Variants in LSMEM1 observed in about 807,000 individuals in gnomAD.
The protein encoded by LSMEM1 is leucine-rich single-pass membrane protein 1.
In LSMEM1, 10 loss-of-function variants were observed where a neutral mutation model predicts 11.3. The observed-to-expected ratio is 0.89, with a 90% CI of 0.55 to 1.50. The LOEUF is 1.50. Among genes scored for constraint, LSMEM1 ranks in the 40% most tolerant of loss-of-function variants. The pLI is 0.00. For synonymous variants in LSMEM1, 65 were observed against 59.3 expected (o/e 1.10, Z -0.44); for missense variants, 151 against 152.9 (o/e 0.99, Z 0.06).
At chr7:112,484,075 C>T (rs1414192100) in intron 1 of LSMEM1, among the ~76,000 whole-genome samples, 1 of 152,184 alleles carries the variant, frequency 6.6e-6, no homozygotes, top group Non-Finnish European at 1.5e-5. Context: ...TAATAAACCT[C>T]AAGCTATTAC....
At chr7:112,486,283 A>G (rs1796125674) in intron 2 of LSMEM1, 2 of 379,332 alleles carry the variant, frequency 5.3e-6, no homozygotes, top group South Asian at 1.9e-5. Flanking sequence ...TAGAACTTCT[A>G]TCACTCTTAG....
chr7:112,485,882 A>G (rs922753511), intron 2 of LSMEM1, among the ~76,000 whole-genome samples: 1 of 151,538 alleles, frequency 6.6e-6, no homozygotes, highest in Non-Finnish European at 1.5e-5. Context: ...AGTGATCTCC[A>G]CTACCCCAGG....
chr7:112,489,712 G>A, intron 3 of LSMEM1, 98 bp from the exon 4 acceptor site: 1 of 1,380,444 alleles, frequency 7.2e-7, no homozygotes, highest in South Asian at 1.4e-5. Context: ...TGCCAAGAGT[G>A]TCTTTCAGCA....
chr7:112,488,621 G>A (rs912384991), intron 3 of LSMEM1, among the ~76,000 whole-genome samples: 2 of 47,594 alleles, frequency 4.2e-5, no homozygotes, highest in African/African-American at 2.9e-4. Context: ...TTATTTTTAA[G>A]ATGAAATCTC....
chr7:112,481,659 A>G (rs989887032), intron 1 of LSMEM1, among the ~76,000 whole-genome samples: 3 of 152,240 alleles, frequency 2.0e-5, no homozygotes, highest in Non-Finnish European at 4.4e-5. Context: ...CCTGGTTAAA[A>G]AATAAAGCAC....
At chr7:112,483,564 T>C (rs1446114548) in intron 1 of LSMEM1, 1 of 152,164 alleles carries the variant, frequency 6.6e-6, no homozygotes, top group Non-Finnish European at 1.5e-5. Flanking sequence ...GATGTTCTGA[T>C]AGAAGAATGT....
intron 3 of LSMEM1, among the ~76,000 whole-genome samples, chr7:112,488,043 A>AC (rs1796169610): frequency 6.6e-6 from 1 of 151,712 alleles, no homozygotes; most frequent in African/African-American, 2.4e-5. Context: ...TGACCCTTTC[A>AC]CCGCTTCCAA....
chr7:112,484,832 C>A lies in LSMEM1; in HGVS notation c.16C>A (p.Gln6Lys), dbSNP rs1390696493. 4 of 1,613,536 alleles carry A rather than the reference C, an allele frequency of 2.5e-6. No individual in the cohort carries two copies. Among genetic ancestry groups the A allele is most frequent in the Non-Finnish European group, 3.4e-6 (4 of 1,179,646 alleles). Reference sequence around the variant, plus strand: ...TCCAGGGACAATGACTCATTCTTCCCAGGACACTGGTTCTTGTGGCATTCA... The same window carrying A: ...TCCAGGGACAATGACTCATTCTTCCAAGGACACTGGTTCTTGTGGCATTCA... MTHSSQDTGSCGIQED... is the reference protein window; with the variant it reads MTHSSKDTGSCGIQED... The change falls in exon 2 of 4, where the codon CAG becomes AAG. Residue 6 changes from glutamine to lysine, a missense_variant. By Grantham distance (53) the Gln-to-Lys change is moderately conservative. Transcript: ENST00000312849.
intron 3 of LSMEM1, among the ~76,000 whole-genome samples, chr7:112,487,612 G>T (rs1796158865): frequency 6.6e-6 from 1 of 152,224 alleles, no homozygotes; most frequent in South Asian, 2.1e-4. Context: ...TCTGCTCTTG[G>T]CCTGGGCCAT....
chr7:112,485,782 G>A (rs944064283), intron 2 of LSMEM1, among the ~76,000 whole-genome samples: 7 of 151,844 alleles, frequency 4.6e-5, no homozygotes, highest in African/African-American at 1.7e-4. Context: ...TACTTATAAG[G>A]CATGGGACAT....
Position 112,486,929 on chromosome 7 carries a change from A to C in LSMEM1, c.134A>C (p.Glu45Ala). Residue 45 changes from glutamate (E) to alanine (A), a missense_variant, in exon 3 of 4, where the codon GAG becomes GCG. Physicochemically the swap from Glu to Ala is moderately radical, Grantham distance 107. Transcript: ENST00000312849. ...TTTGTTTGTTTCATATTAGCTCTAGAGGACAAAATCCCAGTCCTTGGCACA... is the reference window on the plus strand; with the variant it reads ...TTTGTTTGTTTCATATTAGCTCTAGCGGACAAAATCCCAGTCCTTGGCACA... ...PAGSQHLFPLEDKIPVLGTNS... is the reference protein window; with the variant it reads ...PAGSQHLFPLADKIPVLGTNS... 1 of 1,614,114 alleles carries C rather than the reference A, an allele frequency of 6.2e-7. No homozygotes were observed. Among genetic ancestry groups the C allele is most frequent in the Non-Finnish European group, 8.5e-7 (1 of 1,179,998 alleles).
At chr7:112,484,989 C>A in intron 2 of LSMEM1, 46 bp downstream of exon 2, 1 of 1,550,992 alleles carries the variant, frequency 6.4e-7, no homozygotes, top group African/African-American at 1.4e-5. Flanking sequence ...AGCTTCTAGG[C>A]TACCTAAAAA....
intron 1 of LSMEM1, among the ~76,000 whole-genome samples, 175 bp from the exon 2 acceptor site, chr7:112,484,637 T>A (rs1331361534): frequency 6.6e-6 from 1 of 152,176 alleles, no homozygotes; most frequent in African/African-American, 2.4e-5. Context: ...TACAAAGTGG[T>A]CCACAGAAGG....
chr7:112,489,195 A>G (rs972668495), intron 3 of LSMEM1, among the ~76,000 whole-genome samples: 2 of 152,236 alleles, frequency 1.3e-5, no homozygotes, highest in African/African-American at 4.8e-5. Context: ...TGTTAGATAC[A>G]TTAAGTTTAT....
intron 1 of LSMEM1, among the ~76,000 whole-genome samples, chr7:112,484,207 C>G (rs900432292): frequency 1.3e-5 from 2 of 152,164 alleles, no homozygotes; most frequent in Non-Finnish European, 2.9e-5. Context: ...GACTCACAGT[C>G]AGCATCTTAT....
At chr7:112,484,976 C>G in intron 2 of LSMEM1, 33 bp downstream of exon 2, 1 of 1,595,246 alleles carries the variant, frequency 6.3e-7, no homozygotes, top group East Asian at 2.3e-5. Flanking sequence ...AGCAGCCCTT[C>G]CTAGCTTCTA....
At chr7:112,485,564 A>C (rs1796112563) in intron 2 of LSMEM1, among the ~76,000 whole-genome samples, 1 of 152,096 alleles carries the variant, frequency 6.6e-6, no homozygotes, top group Non-Finnish European at 1.5e-5. Context: ...TTTCATATGC[A>C]CTCTAAACTT....
At position 112,485,015 on chromosome 7, in the gene LSMEM1, G is replaced by T. The variant is rs1796101758; in HGVS notation, c.127+72G>T. The T allele has an allele frequency of 2.0e-6, 3 of 1,496,634 alleles. No individual in the cohort carries two copies. In the African/African-American group the frequency reaches 4.2e-5, roughly 21 times the overall value. The allele number at this position is 1,496,634 out of a possible 1,614,324, so 92.7% of individuals were successfully genotyped here. On this transcript the variant is annotated intron_variant, in intron 2 of 3. Coordinates refer to ENST00000312849, the MANE Select transcript of LSMEM1 (RefSeq NM_182597.3). ...TACCTAAAAATAGCCACTGCTGACT[G>T]GATGTGTGGGTGTGGTGGAGGGGGA...
rs34665489 is a variant in LSMEM1 at position 112,489,936 on chromosome 7, C to T, written c.383C>T (p.Ser128Phe). The change falls in exon 4 of 4, where the codon TCT becomes TTT. Residue 128 changes from serine (S) to phenylalanine (F), a missense_variant. Transcript: ENST00000312849. ...KRLNQLNQLD[S>F]EQN The stretch of plus-strand genomic sequence containing the variant: ...CTCAACCAACTCAACCAACTGGACT[C>T]TGAACAAAACTAAAGGAATGATTTT... The T allele has an allele frequency of 6.9e-4, 1,110 of 1,612,342 alleles. 11 individuals carry two copies. In the Middle Eastern group the frequency reaches 0.012, roughly 18 times the overall value.
Sources: gnomAD v4.1 joint callset for allele counts (sites outside exome capture counted in the v4.1 genomes callset) on GRCh38, gnomAD v4.1.1 for gene constraint, MANE v1.5 for transcripts, NCBI Gene and HGNC (gene_info 2026-07-23, HGNC 2026-07-21) for gene names.